The following ASCC1 variants were observed in gnomAD, a reference collection of about 807,000 sequenced individuals.
ASCC1 encodes the protein ASC-1 complex subunit P50.
Under a neutral mutation model 46.6 loss-of-function variants are expected in ASCC1, and 35 were observed. The ratio of observed to expected loss-of-function variants is 0.75; its 90% CI spans 0.57 to 0.99. The LOEUF (loss-of-function observed/expected upper bound fraction) is 0.99, where lower values mean the gene tolerates loss of function less well. ASCC1 is among the 50% of genes least tolerant of loss of function. The probability of loss-of-function intolerance (pLI) is 0.00; values close to 1 mark genes in which losing one functional copy is unlikely to be tolerated. For missense variants in ASCC1, 376 were observed against 428.7 expected, an observed-to-expected ratio of 0.88 and a Z score of 1.09; for synonymous variants, 143 against 146.6, an observed-to-expected ratio of 0.98 and a Z score of 0.18.
At chr10:72,182,972 T>C (rs1025640579) in intron 5 of ASCC1, among the ~76,000 whole-genome samples, 1 of 150,768 alleles carries the variant, frequency 6.6e-6, no homozygotes, top group Non-Finnish European at 1.5e-5. Context: ...ACTATCTTTA[T>C]ACAAATTTTT....
intron 7 of ASCC1, among the ~76,000 whole-genome samples, chr10:72,145,304 C>T (rs2132465062): frequency 6.6e-6 from 1 of 152,224 alleles, no homozygotes; most frequent in African/African-American, 2.4e-5. Context: ...CTGCTTCTAC[C>T]TTAATCCAAG....
At chr10:72,136,937 T>C (rs999396981) in intron 7 of ASCC1, among the ~76,000 whole-genome samples, 3 of 151,434 alleles carry the variant, frequency 2.0e-5, no homozygotes, top group Non-Finnish European at 1.5e-5. Context: ...TCTGAACATC[T>C]GAAGGAACAA....
chr10:72,103,367 C>T (rs1842009631), intron 9 of ASCC1, among the ~76,000 whole-genome samples: 1 of 151,280 alleles, frequency 6.6e-6, no homozygotes, highest in South Asian at 2.1e-4. Context: ...CTCCTGACCT[C>T]GTGATCCACC....
intron 5 of ASCC1, among the ~76,000 whole-genome samples, chr10:72,169,736 A>C (rs893602811): frequency 6.6e-6 from 1 of 152,230 alleles, no homozygotes; most frequent in Non-Finnish European, 1.5e-5. Context: ...GGAAAAGGGA[A>C]AGAAACCTAA....
Position 72,154,493 on chromosome 10 carries a change from GTTTT to G in ASCC1, c.627-1509_627-1506del, listed in dbSNP as rs375316111. On this transcript the variant is annotated intron_variant, in intron 6 of 9. Transcript: ENST00000672957. ...TTATGAGAAATAATTTATGCATAGGGTTTTTTTTTTTTTTTTGAGACAGGGCCAC... is the reference window on the plus strand; with the variant it reads ...TTATGAGAAATAATTTATGCATAGGGTTTTTTTTTTTTGAGACAGGGCCAC... 2.9e-5 allele frequency among the ~76,000 whole-genome samples: 4 copies of G among 139,878 alleles called. No individual in the cohort carries two copies. The South Asian group carries it at 6.9e-4, about 24-fold the overall frequency. The allele number at this position is 139,878 out of a possible 152,430, so 91.8% of individuals were successfully genotyped here.
chr10:72,141,376 T>G (rs898126146), intron 7 of ASCC1, among the ~76,000 whole-genome samples: 1 of 152,184 alleles, frequency 6.6e-6, no homozygotes, highest in African/African-American at 2.4e-5. Flanking sequence ...TTCTACAGTT[T>G]ATTTTCCATC....
At chr10:72,166,135 C>T (rs542464883) in intron 5 of ASCC1, among the ~76,000 whole-genome samples, 17 of 152,272 alleles carry the variant, frequency 1.1e-4, no homozygotes, top group African/African-American at 3.6e-4. Flanking sequence ...ATATTATATA[C>T]ATAGCCTTCC....
At chr10:72,141,362 G>A (rs1846991146) in intron 7 of ASCC1, among the ~76,000 whole-genome samples, 2 of 152,082 alleles carry the variant, frequency 1.3e-5, no homozygotes, top group African/African-American at 4.8e-5. Context: ...CTATTCTACA[G>A]ATGTTCTACA....
intron 4 of ASCC1, among the ~76,000 whole-genome samples, 197 bp downstream of exon 4, chr10:72,203,230 G>A (rs555960356): frequency 1.1e-3 from 161 of 145,620 alleles, no homozygotes; most frequent in African/African-American, 3.9e-3. Flanking sequence ...AGGTTGCAGT[G>A]AGCCGAGATC....
At chr10:72,157,585 C>G (rs1849132298) in intron 6 of ASCC1, among the ~76,000 whole-genome samples, 1 of 152,160 alleles carries the variant, frequency 6.6e-6, no homozygotes, top group Non-Finnish European at 1.5e-5. Context: ...ATTCAGCATT[C>G]TTTATTAAGA....
At chr10:72,190,673 T>C in intron 5 of ASCC1, 1 of 669,244 alleles carries the variant, frequency 1.5e-6, no homozygotes, top group Non-Finnish European at 2.5e-6. Flanking sequence ...AGTCTGCAAA[T>C]TATTTAATGA....
At chr10:72,190,620 G>T in intron 5 of ASCC1, 1 of 948,820 alleles carries the variant, frequency 1.1e-6, no homozygotes, top group South Asian at 1.6e-5. Context: ...AACAATTTAA[G>T]ACAGTCATGT....
intron 5 of ASCC1, among the ~76,000 whole-genome samples, chr10:72,164,854 G>A (rs1458671942): frequency 6.6e-6 from 1 of 152,148 alleles, no homozygotes; most frequent in African/African-American, 2.4e-5. Context: ...TTGTGGTTTT[G>A]ACTTGCATTT....
chr10:72,210,657 G>C (rs1055285659), intron 3 of ASCC1, 75 bp downstream of exon 3: 3 of 1,197,742 alleles, frequency 2.5e-6, no homozygotes, highest in Non-Finnish European at 3.7e-6. Context: ...AATAAGTATG[G>C]AAGACCAAAG....
chr10:72,118,232 T>C (rs1186267495), intron 9 of ASCC1, among the ~76,000 whole-genome samples: 1 of 151,716 alleles, frequency 6.6e-6, no homozygotes, highest in African/African-American at 2.4e-5. Context: ...TCGGGGGTGG[T>C]GGCACACGCG....
intron 7 of ASCC1, among the ~76,000 whole-genome samples, chr10:72,136,362 T>C (rs1846199141): frequency 1.3e-5 from 2 of 152,162 alleles, no homozygotes; most frequent in African/African-American, 4.8e-5. Context: ...CAATCAGCGC[T>C]CTGTGTCTAG....
intron 5 of ASCC1, among the ~76,000 whole-genome samples, chr10:72,184,245 AAAAT>A (rs1242461192): frequency 3.3e-5 from 5 of 152,054 alleles, no homozygotes; most frequent in East Asian, 1.9e-4. Flanking sequence ...GACCAAAAAA[AAAAT>A]AAAGAAGAGA....
intron 5 of ASCC1, 46 bp from the exon 6 acceptor site, chr10:72,161,720 C>A: frequency 6.2e-7 from 1 of 1,612,464 alleles, no homozygotes; most frequent in Non-Finnish European, 8.5e-7. Flanking sequence ...CATACAAAGG[C>A]AAATGGCAAG....
chr10:72,161,240 A>C (rs1248149619), intron 6 of ASCC1, among the ~76,000 whole-genome samples: 1 of 151,962 alleles, frequency 6.6e-6, no homozygotes, highest in Non-Finnish European at 1.5e-5. Context: ...ACTCTCCTAG[A>C]GAATCGTGTT....
Sources: gnomAD v4.1 joint callset for allele counts (sites outside exome capture counted in the v4.1 genomes callset) on GRCh38, gnomAD v4.1.1 for gene constraint, MANE v1.5 for transcripts, NCBI Gene and HGNC (gene_info 2026-07-23, HGNC 2026-07-21) for gene names.